The following PARD3B variants were observed in gnomAD, a reference collection of about 807,000 sequenced individuals.
The protein encoded by PARD3B is partitioning defective 3 homolog B.
PARD3B carries 103 observed loss-of-function variants against 130.2 expected under a neutral mutation model. The ratio of observed to expected loss-of-function variants is 0.79; its 90% CI spans 0.67 to 0.93. The LOEUF (loss-of-function observed/expected upper bound fraction) is 0.93, where lower values mean the gene tolerates loss of function less well. Among genes scored for constraint, PARD3B ranks in the 40% least tolerant of loss-of-function variants. The probability of loss-of-function intolerance (pLI) is 0.00; values close to 1 mark genes in which losing one functional copy is unlikely to be tolerated. For synonymous variants in PARD3B, 583 were observed against 553.2 expected (o/e 1.05, Z -0.76); for missense variants, 1,609 against 1,499.2 (o/e 1.07, Z -1.21).
intron 2 of PARD3B, among the ~76,000 whole-genome samples, chr2:204,874,847 A>G (rs1021584142): frequency 1.3e-5 from 2 of 152,174 alleles, no homozygotes; most frequent in African/African-American, 4.8e-5. Context: ...ATTTTGTGGG[A>G]CTTGGGTTCT....
At chr2:204,876,303 G>A (rs1207588595) in intron 2 of PARD3B, among the ~76,000 whole-genome samples, 5 of 152,132 alleles carry the variant, frequency 3.3e-5, no homozygotes, top group Non-Finnish European at 5.9e-5. Context: ...CTGAATCAAC[G>A]CTTGGTAAAC....
intron 2 of PARD3B, among the ~76,000 whole-genome samples, chr2:204,869,908 G>A (rs1457387905): frequency 6.6e-6 from 1 of 151,990 alleles, no homozygotes; most frequent in Non-Finnish European, 1.5e-5. Flanking sequence ...TTTCACAATG[G>A]CTGCAGGTGA....
rs2048787540 is a variant in PARD3B, at chr2:205,470,475, C to A, written c.3045-29421C>A. Among the ~76,000 whole-genome samples the A allele has an allele frequency of 6.6e-6, 1 of 152,138 alleles. No homozygotes were observed. Among genetic ancestry groups the A allele is most frequent in the Non-Finnish European group, 1.5e-5 (1 of 68,020 alleles). ...CCCCTGCAGGAGTATTTAAGCTTAACCCCAGATTTCAGGAGTTAGAGCATT... is the reference window on the plus strand; with the variant it reads ...CCCCTGCAGGAGTATTTAAGCTTAAACCCAGATTTCAGGAGTTAGAGCATT... On this transcript the variant is annotated intron_variant, in intron 20 of 22. Transcript: ENST00000406610. This position sits in a 1 kb window ranked among gnomAD's most constrained non-coding sequence, Gnocchi z 4.8.
intron 2 of PARD3B, among the ~76,000 whole-genome samples, chr2:204,891,360 G>A (rs759351723): frequency 2.6e-5 from 4 of 152,112 alleles, no homozygotes; most frequent in Non-Finnish European, 4.4e-5. Context: ...ATGTTTAATA[G>A]TGAAGGCATC....
chr2:204,550,214 T>C (rs2030343981), intron 1 of PARD3B, among the ~76,000 whole-genome samples: 1 of 152,254 alleles, frequency 6.6e-6, no homozygotes, highest in South Asian at 2.1e-4. Context: ...CTGTATACTT[T>C]AAGTCATCTC....
intron 21 of PARD3B, among the ~76,000 whole-genome samples, chr2:205,526,204 C>T (rs1240602836): frequency 6.6e-6 from 1 of 152,178 alleles, no homozygotes; most frequent in African/African-American, 2.4e-5. Context: ...ATCTTTTTAT[C>T]CCTGTCCCTC....
chr2:204,752,202 C>T (rs1310635167), intron 2 of PARD3B, among the ~76,000 whole-genome samples: 1 of 152,136 alleles, frequency 6.6e-6, no homozygotes, highest in African/African-American at 2.4e-5. Flanking sequence ...GATTTTGGAG[C>T]TAGGCCCAGT....
chr2:204,783,405 G>A lies in PARD3B; in HGVS notation c.222+97123G>A, dbSNP rs1214855088. 2.0e-5 allele frequency among the ~76,000 whole-genome samples: 3 copies of A among 152,088 alleles called. No individual in the cohort carries two copies. The East Asian group carries it at 5.8e-4, about 29-fold the overall frequency. On this transcript the variant is annotated intron_variant, in intron 2 of 22. Transcript: ENST00000406610. ...AAAGTCGGTTCTTTTCTTCTAAGGG[G>A]ACCAATCTTACAGGATTTGGGCCCC...
chr2:205,185,249 C>T (rs1042521199), intron 13 of PARD3B, among the ~76,000 whole-genome samples: 6 of 149,200 alleles, frequency 4.0e-5, no homozygotes, highest in Non-Finnish European at 8.9e-5. Flanking sequence ...AAAAAGAGCG[C>T]ACGTTTGTGT....
intron 2 of PARD3B, among the ~76,000 whole-genome samples, chr2:204,814,701 T>C (rs1198244544): frequency 2.0e-5 from 3 of 151,876 alleles, no homozygotes. Context: ...CTATAGGCTT[T>C]TCATGGATCC....
At chr2:205,581,255 T>TAG (rs749729693) in intron 22 of PARD3B, among the ~76,000 whole-genome samples, 5,725 of 135,756 alleles carry the variant, frequency 0.042, 161 homozygotes, top group Admixed American at 0.065. Context: ...TATATAGATA[T>TAG]ATATAGATAT....
chr2:205,103,863 A>G (rs184459576), intron 4 of PARD3B: 1 of 421,938 alleles, frequency 2.4e-6, no homozygotes, highest in Admixed American at 6.4e-5. Flanking sequence ...ACAATTTTAG[A>G]AATTAAATAG....
intron 2 of PARD3B, among the ~76,000 whole-genome samples, chr2:204,867,236 A>T (rs1289872139): frequency 6.6e-6 from 1 of 152,172 alleles, no homozygotes; most frequent in Non-Finnish European, 1.5e-5. Flanking sequence ...TAGCCCTAAC[A>T]AATCTGAGTG....
intron 2 of PARD3B, among the ~76,000 whole-genome samples, chr2:204,893,731 C>G (rs2046534184): frequency 6.6e-6 from 1 of 152,100 alleles, no homozygotes; most frequent in Non-Finnish European, 1.5e-5. Context: ...TTATGTATAG[C>G]ACATCTCAGT....
intron 18 of PARD3B, chr2:205,348,268 T>A (rs550826325): frequency 6.6e-6 from 1 of 152,370 alleles, no homozygotes; most frequent in Admixed American, 6.5e-5. Flanking sequence ...TATATCTTCA[T>A]CACTTGTGCT....
chr2:205,554,021 T>G (rs1042711584), intron 22 of PARD3B, among the ~76,000 whole-genome samples: 1 of 152,224 alleles, frequency 6.6e-6, no homozygotes, highest in African/African-American at 2.4e-5. Context: ...TCAAAACTTG[T>G]GCTGTTATTG....
intron 5 of PARD3B, 65 bp from the exon 6 acceptor site, chr2:205,113,424 ATT>A: frequency 2.1e-5 from 18 of 855,580 alleles, no homozygotes; most frequent in Non-Finnish European, 3.0e-5. Context: ...GTGTGTGTGT[ATT>A]TTAGATGTGC....
chr2:204,954,454 G>A (rs1046843009), intron 2 of PARD3B, among the ~76,000 whole-genome samples: 6 of 152,176 alleles, frequency 3.9e-5, no homozygotes, highest in African/African-American at 4.8e-5. Flanking sequence ...GTCAATCAGC[G>A]GGAGCTCAGG....
chr2:205,330,589 A>G (rs2043087534), intron 18 of PARD3B, among the ~76,000 whole-genome samples: 1 of 152,212 alleles, frequency 6.6e-6, no homozygotes, highest in Non-Finnish European at 1.5e-5. Flanking sequence ...CTCAGAGGAA[A>G]GTTTCAGAAG....
Sources: gnomAD v4.1 joint callset for allele counts (sites outside exome capture counted in the v4.1 genomes callset) on GRCh38, gnomAD v4.1.1 for gene constraint, Gnocchi (gnomAD v3.1) non-coding constraint, MANE v1.5 for transcripts, NCBI Gene and HGNC (gene_info 2026-07-23, HGNC 2026-07-21) for gene names.